Variants in TBC1D19 observed in about 807,000 individuals in gnomAD.
TBC1D19 encodes the protein TBC1 domain family member 19, also known as TBC1 domain family, member 19.
Under a neutral mutation model 89.0 loss-of-function variants are expected in TBC1D19, and 60 were observed. That is an observed-to-expected ratio of 0.67 (90% CI 0.55 to 0.84). The LOEUF (loss-of-function observed/expected upper bound fraction) is 0.84, where lower values mean the gene tolerates loss of function less well. Ranked by LOEUF, TBC1D19 falls within the 40% of genes least tolerant of loss-of-function variation. The pLI, the probability that TBC1D19 is intolerant of heterozygous loss-of-function variation, is 0.00. For synonymous variants in TBC1D19, 189 were observed against 199.7 expected (o/e 0.95, Z 0.45); for missense variants, 500 against 610.8 (o/e 0.82, Z 1.91).
At chr4:26,737,114 C>T (rs1205301684) in intron 16 of TBC1D19, among the ~76,000 whole-genome samples, 1 of 152,050 alleles carries the variant, frequency 6.6e-6, no homozygotes, top group East Asian at 1.9e-4. Flanking sequence ...ATCAGATGGT[C>T]GTGGTGAATG....
chr4:26,643,088 C>A (rs1743660948), intron 7 of TBC1D19, among the ~76,000 whole-genome samples: 1 of 152,192 alleles, frequency 6.6e-6, no homozygotes. Flanking sequence ...TAATAGACAT[C>A]TACAGAACCC....
At chr4:26,809,617 G>A in the TBC1D19 span, among the ~76,000 whole-genome samples, 1 of 152,286 alleles carries the variant, frequency 6.6e-6, no homozygotes, top group Admixed American at 6.5e-5. Context: ...GAGCAAATGT[G>A]GCCAATACAG....
At chr4:26,585,812 T>C (rs1055669130) in intron 1 of TBC1D19, among the ~76,000 whole-genome samples, 2 of 152,140 alleles carry the variant, frequency 1.3e-5, no homozygotes, top group Non-Finnish European at 2.9e-5. Context: ...CTTGAACTCC[T>C]GATCTCAAGT....
chr4:26,839,659 TA>T, the TBC1D19 span, among the ~76,000 whole-genome samples: 2 of 152,148 alleles, frequency 1.3e-5, no homozygotes, highest in South Asian at 4.1e-4. Flanking sequence ...CCCATTCACT[TA>T]TCCGCCCACT....
chr4:26,832,601 T>A, the TBC1D19 span, among the ~76,000 whole-genome samples: 1 of 152,170 alleles, frequency 6.6e-6, no homozygotes, highest in Non-Finnish European at 1.5e-5. Flanking sequence ...CAATAACATC[T>A]AGTGAGGTTT....
intron 1 of TBC1D19, among the ~76,000 whole-genome samples, chr4:26,598,441 C>A (rs1395800564): frequency 1.3e-5 from 2 of 152,050 alleles, no homozygotes; most frequent in African/African-American, 4.8e-5. Context: ...GTCGCCCAGA[C>A]TGGAGTGCAG....
chr4:26,613,146 T>TTGA, intron 1 of TBC1D19, 23 bp from the exon 2 acceptor site: 1 of 1,421,498 alleles, frequency 7.0e-7, no homozygotes, highest in Non-Finnish European at 9.6e-7. Flanking sequence ...ATCTTTCTTT[T>TTGA]TTATTATTAT....
intron 5 of TBC1D19, 90 bp from the exon 6 acceptor site, chr4:26,638,681 C>A: frequency 1.0e-6 from 1 of 979,782 alleles, no homozygotes; most frequent in Non-Finnish European, 1.6e-6. Flanking sequence ...ATTTATTTAG[C>A]TTTTAAATAA....
At chr4:26,852,303 C>T in the TBC1D19 span, among the ~76,000 whole-genome samples, 117,174 of 152,070 alleles carry the variant, frequency 0.77, 45,477 homozygotes, top group Middle Eastern at 0.96. Flanking sequence ...CCTATAATCC[C>T]AGCACTTTGG....
intron 8 of TBC1D19, among the ~76,000 whole-genome samples, chr4:26,665,811 A>G (rs548146055): frequency 2.6e-5 from 4 of 152,090 alleles, no homozygotes; most frequent in African/African-American, 9.6e-5. Context: ...GTTTAAAGTT[A>G]GTTTTTTACT....
At chr4:26,679,866 C>T (rs4365714) in intron 11 of TBC1D19, among the ~76,000 whole-genome samples, 55,356 of 152,096 alleles carry the variant, frequency 0.36, 11,385 homozygotes, top group Non-Finnish European at 0.47. Context: ...TGTGAGGACA[C>T]GAGATTTGGG....
Position 26,755,117 on chromosome 4 carries a change from G to T in TBC1D19, c.*170G>T. ...TCTCACTTTTTGAAACAATAACTCT[G>T]CACCAAATATTGCATCGCATGCTGC... is the stretch of plus-strand genomic sequence containing the variant. On this transcript the variant is annotated 3_prime_UTR_variant, in exon 21 of 21. Coordinates refer to ENST00000264866, the MANE Select transcript of TBC1D19 (RefSeq NM_018317.4). The T allele has an allele frequency of 2.3e-6, 1 of 430,460 alleles. No homozygotes were observed. Among genetic ancestry groups the T allele is most frequent in the Non-Finnish European group, 4.0e-6 (1 of 251,086 alleles). The allele number at this position is 430,460 out of a possible 1,614,324, so 26.7% of individuals were successfully genotyped here.
chr4:26,733,351 C>T (rs1717777246), intron 15 of TBC1D19, among the ~76,000 whole-genome samples: 1 of 152,154 alleles, frequency 6.6e-6, no homozygotes, highest in South Asian at 2.1e-4. Context: ...TTATTAATGG[C>T]TGAGCCACAA....
chr4:26,780,817 C>T, the TBC1D19 span, among the ~76,000 whole-genome samples: 1 of 152,274 alleles, frequency 6.6e-6, no homozygotes, highest in Admixed American at 6.5e-5. Context: ...AGTAAAACTT[C>T]ACCTAAGGGG....
intron 4 of TBC1D19, among the ~76,000 whole-genome samples, chr4:26,632,240 C>A (rs1742846401): frequency 6.6e-6 from 1 of 151,880 alleles, no homozygotes; most frequent in African/African-American, 2.4e-5. Context: ...GGGGTGCTGA[C>A]CCTTCATGCA....
chr4:26,726,645 G>A (rs1432754366), intron 15 of TBC1D19, among the ~76,000 whole-genome samples: 2 of 152,144 alleles, frequency 1.3e-5, no homozygotes, highest in Non-Finnish European at 2.9e-5. Flanking sequence ...TTACTGACCT[G>A]TAGGCTACAT....
intron 7 of TBC1D19, among the ~76,000 whole-genome samples, chr4:26,640,533 G>C (rs992297594): frequency 1.3e-5 from 2 of 152,178 alleles, no homozygotes; most frequent in Admixed American, 1.3e-4. Flanking sequence ...TGAGGCACCT[G>C]GTTCACCTCA....
At chr4:26,579,539 A>G (rs1739029903), upstream of TBC1D19, among the ~76,000 whole-genome samples, 2 of 151,316 alleles carry the variant, frequency 1.3e-5, no homozygotes, top group Admixed American at 1.3e-4. Flanking sequence ...CCTGTGCAGA[A>G]TGTTCAGGTT....
chr4:26,851,746 T>C, the TBC1D19 span, among the ~76,000 whole-genome samples: 4 of 152,228 alleles, frequency 2.6e-5, no homozygotes, highest in African/African-American at 9.6e-5. Context: ...AGATGGAGTA[T>C]CACTCTGTTG....
Sources: gnomAD v4.1 joint callset for allele counts (sites outside exome capture counted in the v4.1 genomes callset) on GRCh38, gnomAD v4.1.1 for gene constraint, MANE v1.5 for transcripts, NCBI Gene and HGNC (gene_info 2026-07-23, HGNC 2026-07-21) for gene names.